Variants in CFDP1 observed in about 807,000 individuals in gnomAD.
CFDP1 encodes chromatin remodeling protein CFDP1.
CFDP1 carries 31 observed loss-of-function variants against 40.1 expected under a neutral mutation model. The observed-to-expected ratio is 0.77, with a 90% CI of 0.58 to 1.04. CFDP1 has a LOEUF of 1.04. Ranked by LOEUF, CFDP1 falls within the 50% of genes least tolerant of loss-of-function variation. The probability of loss-of-function intolerance (pLI) is 0.00; values close to 1 mark genes in which losing one functional copy is unlikely to be tolerated. For synonymous variants in CFDP1, 167 were observed against 120.0 expected, an observed-to-expected ratio of 1.39 and a Z score of -2.56; for missense variants, 423 against 343.4, an observed-to-expected ratio of 1.23 and a Z score of -1.83.
intron 5 of CFDP1, among the ~76,000 whole-genome samples, chr16:75,372,754 C>G (rs752202941): frequency 2.2e-4 from 34 of 152,124 alleles, no homozygotes; most frequent in Non-Finnish European, 4.1e-4. Context: ...TAACTTTTCT[C>G]CTGGTATTGC....
At chr16:75,399,238 T>G (rs1264446198) in intron 4 of CFDP1, among the ~76,000 whole-genome samples, 3 of 152,138 alleles carry the variant, frequency 2.0e-5, no homozygotes, top group Non-Finnish European at 4.4e-5. Flanking sequence ...TTGAGGTGCT[T>G]TCTTACACTG....
intron 4 of CFDP1, among the ~76,000 whole-genome samples, chr16:75,410,586 A>G (rs571168107): frequency 1.3e-5 from 2 of 152,166 alleles, no homozygotes; most frequent in African/African-American, 4.8e-5. Flanking sequence ...AGTCTGGCCA[A>G]CATGGTGAAA....
At chr16:75,338,669 T>TC (rs529582990) in intron 5 of CFDP1, among the ~76,000 whole-genome samples, 16 of 152,050 alleles carry the variant, frequency 1.1e-4, no homozygotes, top group South Asian at 2.1e-4. Context: ...TTCTTTTTGA[T>TC]CCCCCCCTTT....
At chr16:75,338,889 C>G (rs960784605) in intron 5 of CFDP1, among the ~76,000 whole-genome samples, 23 of 152,274 alleles carry the variant, frequency 1.5e-4, no homozygotes, top group Admixed American at 7.2e-4. Flanking sequence ...CCAGAAGACT[C>G]TGATGCCAAC....
Position 75,412,819 on chromosome 16 carries a change from C to G in CFDP1, c.183-65G>C, listed in dbSNP as rs947295031. ...AAAACGATTTCAGTTATCCCTCTCC[C>G]AATCCCAAAGGTAATCTTATAAACC... On this transcript the variant is annotated intron_variant, in intron 2 of 6. Coordinates refer to ENST00000283882, the MANE Select transcript of CFDP1 (RefSeq NM_006324.3). 3.9e-6 allele frequency: 5 copies of G among 1,282,040 alleles called. No homozygotes were observed. The African/African-American group carries it at 5.9e-5, about 15-fold the overall frequency. The allele number at this position is 1,282,040 out of a possible 1,614,324, so 79.4% of individuals were successfully genotyped here.
intron 1 of CFDP1, among the ~76,000 whole-genome samples, chr16:75,427,002 C>T (rs1225913948): frequency 6.7e-6 from 1 of 150,216 alleles, no homozygotes; most frequent in East Asian, 2.0e-4. Flanking sequence ...TTGTGGTGAG[C>T]CAAGATTATG....
rs891041550 is a variant in CFDP1 at position 75,312,343 on chromosome 16, T to C, written c.651-7161A>G. Among the ~76,000 whole-genome samples the C allele has an allele frequency of 2.0e-5, 3 of 152,164 alleles. No individual in the cohort carries two copies. The East Asian group carries it at 5.8e-4, about 29-fold the overall frequency. ...AAGAAGTTCCAAAGATTTTTAAACC[T>C]TTTGTGGCTTGAAAAATTGTCAGTA... On this transcript the variant is annotated intron_variant, in intron 5 of 6. Transcript: ENST00000283882.
intron 6 of CFDP1, among the ~76,000 whole-genome samples, chr16:75,303,396 A>T (rs1428714021): frequency 0.034 from 2,040 of 59,834 alleles, 40 homozygotes; most frequent in African/African-American, 0.074. Flanking sequence ...TAAATAAATA[A>T]ATAAATGTAT....
intron 5 of CFDP1, among the ~76,000 whole-genome samples, chr16:75,379,258 T>G (rs866775624): frequency 1.4e-5 from 2 of 145,674 alleles, no homozygotes; most frequent in African/African-American, 5.1e-5. Flanking sequence ...ATTGAAAACA[T>G]AAAGGGAAAG....
chr16:75,393,988 G>C (rs1222039106), intron 5 of CFDP1, among the ~76,000 whole-genome samples: 2 of 151,998 alleles, frequency 1.3e-5, no homozygotes, highest in African/African-American at 4.8e-5. Flanking sequence ...CCGGGAGGCG[G>C]AGCTTGCAGT....
intron 5 of CFDP1, among the ~76,000 whole-genome samples, chr16:75,363,397 T>TC (rs2078692650): frequency 7.1e-6 from 1 of 140,546 alleles, no homozygotes; most frequent in African/African-American, 2.8e-5. Context: ...CACTTTACCT[T>TC]TTTTTTTTTT....
chr16:75,370,328 G>A (rs1383717939), intron 5 of CFDP1, among the ~76,000 whole-genome samples: 2 of 151,866 alleles, frequency 1.3e-5, no homozygotes, highest in Non-Finnish European at 2.9e-5. Context: ...CCTGACCTCA[G>A]GTGATCCACT....
chr16:75,393,737 CAAAAAAA>C (rs61344775), intron 5 of CFDP1, among the ~76,000 whole-genome samples: 7 of 80,618 alleles, frequency 8.7e-5, no homozygotes, highest in East Asian at 3.5e-4. Context: ...GACTCCGTCG[CAAAAAAA>C]AAAAAAAAAA....
rs541769138 is a variant in CFDP1 at position 75,405,451 on chromosome 16, A to G, written c.530+6374T>C. Among the ~76,000 whole-genome samples the G allele has an allele frequency of 2.6e-5, 4 of 152,014 alleles. No homozygotes were observed. In the South Asian group the frequency reaches 8.3e-4, roughly 32 times the overall value. On this transcript the variant is annotated intron_variant, in intron 4 of 6. Transcript: ENST00000283882. ...CACCAGGCTGGATAAACCCATCTATACAAAAAACACAAGAGGCCTGGTGTG... is the reference window on the plus strand; with the variant it reads ...CACCAGGCTGGATAAACCCATCTATGCAAAAAACACAAGAGGCCTGGTGTG...
chr16:75,425,079 T>TA (rs200866884), intron 1 of CFDP1, among the ~76,000 whole-genome samples: 86 of 146,624 alleles, frequency 5.9e-4, no homozygotes, highest in African/African-American at 5.2e-4. Context: ...TTTTTACACC[T>TA]AAAAAAAAAA....
At chr16:75,345,536 G>A (rs992745794) in intron 5 of CFDP1, among the ~76,000 whole-genome samples, 17 of 152,164 alleles carry the variant, frequency 1.1e-4, no homozygotes, top group African/African-American at 4.1e-4. Context: ...CTACTTAAGA[G>A]GCTGAGCAAG....
At chr16:75,371,955 T>C (rs375336431) in intron 5 of CFDP1, among the ~76,000 whole-genome samples, 6 of 152,230 alleles carry the variant, frequency 3.9e-5, no homozygotes, top group East Asian at 3.8e-4. Flanking sequence ...TAATTTTCAT[T>C]GAGTCCTTCT....
chr16:75,361,080 GCTTA>G (rs2078676574), intron 5 of CFDP1, among the ~76,000 whole-genome samples: 2 of 152,214 alleles, frequency 1.3e-5, no homozygotes, highest in South Asian at 4.2e-4. Flanking sequence ...CGTGATCTTG[GCTTA>G]CTACAACCTC....
intron 4 of CFDP1, among the ~76,000 whole-genome samples, chr16:75,411,001 C>T (rs182749198): frequency 1.3e-5 from 2 of 150,250 alleles, no homozygotes; most frequent in Admixed American, 6.6e-5. Flanking sequence ...GGTGGATCAC[C>T]TGAGGTCAGG....
Sources: gnomAD v4.1 joint callset for allele counts (sites outside exome capture counted in the v4.1 genomes callset) on GRCh38, gnomAD v4.1.1 for gene constraint, MANE v1.5 for transcripts, NCBI Gene and HGNC (gene_info 2026-07-23, HGNC 2026-07-21) for gene names.